PTPN3: variants seen among roughly 807,000 people sequenced by gnomAD.
PTPN3 encodes the protein protein tyrosine phosphatase non-receptor type 3.
In PTPN3, 96 loss-of-function variants were observed where a neutral mutation model predicts 132.7. The observed-to-expected ratio is 0.72, with a 90% CI of 0.61 to 0.86. PTPN3 has a LOEUF of 0.86. Among genes scored for constraint, PTPN3 ranks in the 40% least tolerant of loss-of-function variants. The pLI is 0.00. For synonymous variants in PTPN3, 398 were observed against 429.0 expected, an observed-to-expected ratio of 0.93 and a Z score of 0.89; for missense variants, 1,125 against 1,159.6, an observed-to-expected ratio of 0.97 and a Z score of 0.43.
intron 5 of PTPN3, among the ~76,000 whole-genome samples, chr9:109,453,302 T>C (rs1845373358): frequency 6.6e-6 from 1 of 151,990 alleles, no homozygotes; most frequent in African/African-American, 2.4e-5. Flanking sequence ...CCTCCTTGAT[T>C]ATGTCTTTTG....
At chr9:109,506,834 C>T in the PTPN3 span, among the ~76,000 whole-genome samples, 3 of 152,104 alleles carry the variant, frequency 2.0e-5, no homozygotes, top group Non-Finnish European at 4.4e-5. Flanking sequence ...AACTCCTGAG[C>T]TCAGGCATTC....
chr9:109,522,536 A>G, the PTPN3 span, among the ~76,000 whole-genome samples: 173 of 152,340 alleles, frequency 1.1e-3, no homozygotes, highest in African/African-American at 3.9e-3. Context: ...TTATAAATGT[A>G]TATTTATTTA....
chr9:109,470,209 A>C (rs1168062426), intron 1 of PTPN3, among the ~76,000 whole-genome samples: 1 of 152,172 alleles, frequency 6.6e-6, no homozygotes, highest in East Asian at 1.9e-4. Flanking sequence ...TTGCAGACAC[A>C]TGCTTCATTC....
At chr9:109,446,007 C>T (rs1418045840) in intron 6 of PTPN3, among the ~76,000 whole-genome samples, 1 of 152,156 alleles carries the variant, frequency 6.6e-6, no homozygotes, top group Non-Finnish European at 1.5e-5. Context: ...ATGACTCCAC[C>T]TCTGTCTTAG....
Position 109,435,643 on chromosome 9 carries a change from C to T in PTPN3, c.675+1240G>A, listed in dbSNP as rs114521250. Among the ~76,000 whole-genome samples the T allele has an allele frequency of 1.2e-3, 190 of 152,292 alleles. 2 individuals are homozygous for T. The highest frequency in any genetic ancestry group is 4.3e-3 in the African/African-American group (178 of 41,564). ...CCCTCTGATACTGTGGGGGTCTTTGCCACGCAGATATCATCTGGCCTCACA... is the reference window on the plus strand; with the variant it reads ...CCCTCTGATACTGTGGGGGTCTTTGTCACGCAGATATCATCTGGCCTCACA... On this transcript the variant is annotated intron_variant, in intron 9 of 25. Coordinates refer to ENST00000374541, the MANE Select transcript of PTPN3 (RefSeq NM_002829.4).
At chr9:109,433,424 T>A (rs1280205334) in intron 9 of PTPN3, among the ~76,000 whole-genome samples, 2 of 152,206 alleles carry the variant, frequency 1.3e-5, no homozygotes, top group Non-Finnish European at 2.9e-5. Context: ...AGCCCACTCA[T>A]TCCACGGAAT....
intron 14 of PTPN3, among the ~76,000 whole-genome samples, chr9:109,412,533 C>A (rs553445773): frequency 6.6e-6 from 1 of 152,104 alleles, no homozygotes; most frequent in African/African-American, 2.4e-5. Flanking sequence ...GCCACCACAC[C>A]CGGCTAATTT....
At chr9:109,451,741 C>T (rs1386127061) in intron 5 of PTPN3, among the ~76,000 whole-genome samples, 1 of 152,204 alleles carries the variant, frequency 6.6e-6, no homozygotes. Context: ...CCAGGATGGG[C>T]CCTGGAGACA....
the PTPN3 span, among the ~76,000 whole-genome samples, chr9:109,517,109 T>C: frequency 6.6e-6 from 1 of 152,162 alleles, no homozygotes; most frequent in Admixed American, 6.5e-5. Context: ...TGCCTGGCCA[T>C]AGCTGGTGCT....
Position 109,463,359 on chromosome 9 carries a change from G to A in PTPN3, c.76C>T (p.Arg26Ter), listed in dbSNP as rs754873186. The change falls in exon 2 of 26, where the codon CGA becomes TGA. Residue 26 changes from arginine to a stop codon, truncating the protein, a stop_gained. Transcript: ENST00000374541. LOFTEE classifies it high-confidence loss of function. ...RTSELPKEKT[R>*]SEVICSIHFL... ...TGGATGCTGCAAATGACTTCTGATC[G>A]AGTTTTCTCTTTGGGTAACTCCGAG... 7.4e-6 allele frequency: 12 copies of A among 1,613,730 alleles called. No homozygotes were observed. Among genetic ancestry groups the A allele is most frequent in the South Asian group, 1.1e-5 (1 of 90,996 alleles).
At chr9:109,392,264 C>G (rs10816806) in intron 19 of PTPN3, among the ~76,000 whole-genome samples, 67,409 of 152,002 alleles carry the variant, frequency 0.44, 15,235 homozygotes, top group South Asian at 0.67. Context: ...GATCTGACTC[C>G]AAGGCTTATG....
intron 5 of PTPN3, chr9:109,451,080 G>GA: frequency 1.0e-6 from 1 of 973,952 alleles, no homozygotes; most frequent in Non-Finnish European, 1.2e-6. Flanking sequence ...ATTAATGGTA[G>GA]AAGCCTGGTC....
intron 1 of PTPN3, among the ~76,000 whole-genome samples, chr9:109,469,028 T>A (rs1846239682): frequency 1.3e-5 from 2 of 152,220 alleles, no homozygotes; most frequent in Non-Finnish European, 2.9e-5. Context: ...TGAGCTGCTC[T>A]ACAAACTCAG....
chr9:109,401,142 G>A (rs958776179), intron 19 of PTPN3, among the ~76,000 whole-genome samples: 11 of 152,222 alleles, frequency 7.2e-5, no homozygotes, highest in South Asian at 2.1e-4. Context: ...TGAAGGAAAC[G>A]TGTACATGCT....
chr9:109,418,253 G>A (rs920978200), intron 14 of PTPN3, among the ~76,000 whole-genome samples: 9 of 152,210 alleles, frequency 5.9e-5, no homozygotes, highest in African/African-American at 9.6e-5. Flanking sequence ...GATTTGCTCC[G>A]GTGTTCCCCT....
At position 109,428,272 on chromosome 9, in the gene PTPN3, G is replaced by A. The variant is rs116204356; in HGVS notation, c.828+349C>T. Among the ~76,000 whole-genome samples, 746 of 152,296 alleles carry A rather than the reference G, an allele frequency of 4.9e-3. 3 individuals carry two copies. Among genetic ancestry groups the A allele is most frequent in the African/African-American group, 0.017 (717 of 41,558 alleles). On this transcript the variant is annotated intron_variant, in intron 11 of 25. Coordinates refer to ENST00000374541, the MANE Select transcript of PTPN3 (RefSeq NM_002829.4). ...GCTAGCTGGTAAGTGGAAGAGCCAG[G>A]ATCTGAAACCACTGTCTCTGACTCC...
At chr9:109,500,312 C>T (rs896292685), upstream of PTPN3, among the ~76,000 whole-genome samples, 7 of 152,196 alleles carry the variant, frequency 4.6e-5, no homozygotes, top group South Asian at 2.1e-4. Context: ...CTGCTGACCC[C>T]TAGACTGAAA....
intron 6 of PTPN3, among the ~76,000 whole-genome samples, chr9:109,446,649 T>C (rs550135389): frequency 1.3e-5 from 2 of 152,126 alleles, no homozygotes. Context: ...AGGAGGTGAA[T>C]GGGATTTGGG....
At chr9:109,498,413 T>TCCCGCC (rs1847789125), upstream of PTPN3, 3 of 147,350 alleles carry the variant, frequency 2.0e-5, no homozygotes, top group South Asian at 6.4e-4. This position sits in a 1 kb window ranked among gnomAD's most constrained non-coding sequence, Gnocchi z 4.2. Context: ...TGCGGTGTTC[T>TCCCGCC]CCCGCCCCCG....
Sources: gnomAD v4.1 joint callset for allele counts (sites outside exome capture counted in the v4.1 genomes callset) on GRCh38, gnomAD v4.1.1 for gene constraint, Gnocchi (gnomAD v3.1) non-coding constraint, MANE v1.5 for transcripts, NCBI Gene and HGNC (gene_info 2026-07-23, HGNC 2026-07-21) for gene names.